The following ZNF184 variants were observed in gnomAD, a reference collection of about 807,000 sequenced individuals.
ZNF184 encodes the protein zinc finger protein 184 (Kruppel-like).
A neutral mutation model predicts 54.4 loss-of-function variants in ZNF184; 16 were observed. The observed-to-expected ratio is 0.29, with a 90% confidence interval of 0.20 to 0.45. The LOEUF (loss-of-function observed/expected upper bound fraction) is 0.45. Ranked by LOEUF, ZNF184 falls within the 20% of genes least tolerant of loss-of-function variation. ZNF184 has a pLI of 1.00. For synonymous variants in ZNF184, 254 were observed against 295.3 expected (o/e 0.86, Z 1.43); for missense variants, 681 against 888.2 (o/e 0.77, Z 2.97).
At chr6:27,440,410 G>T in the ZNF184 span, among the ~76,000 whole-genome samples, 3 of 152,186 alleles carry the variant, frequency 2.0e-5, no homozygotes, top group Non-Finnish European at 4.4e-5. Context: ...GAGCCTGGAT[G>T]TAAACAGCAA....
At chr6:27,418,230 A>G in the ZNF184 span, among the ~76,000 whole-genome samples, 1 of 152,192 alleles carries the variant, frequency 6.6e-6, no homozygotes, top group African/African-American at 2.4e-5. Context: ...GGGAGAGCCT[A>G]TTCAGGCCAC....
At chr6:27,443,756 T>G in the ZNF184 span, among the ~76,000 whole-genome samples, 1 of 152,178 alleles carries the variant, frequency 6.6e-6, no homozygotes, top group Non-Finnish European at 1.5e-5. Flanking sequence ...TATGGATTTA[T>G]TTTTGCTTTT....
the ZNF184 span, among the ~76,000 whole-genome samples, chr6:27,422,145 AAAAAAAGAAAGAAAGAAAG>A: frequency 1.2e-4 from 6 of 51,930 alleles, 1 homozygote; most frequent in African/African-American, 4.8e-4. Context: ...TACCTCAAAA[AAAAAAAGAAAGAAAGAAAG>A]AAAGAAAGAA....
intron 3 of ZNF184, among the ~76,000 whole-genome samples, chr6:27,464,185 T>G (rs1763067839): frequency 6.6e-6 from 1 of 152,148 alleles, no homozygotes; most frequent in Non-Finnish European, 1.5e-5. Flanking sequence ...TAAAAATGAA[T>G]AAAGAATACC....
downstream of ZNF184, among the ~76,000 whole-genome samples, chr6:27,446,043 T>C (rs1762633493): frequency 2.0e-5 from 3 of 152,262 alleles, no homozygotes; most frequent in Non-Finnish European, 4.4e-5. Flanking sequence ...AGGGTAGAAA[T>C]ATTTGGAAAA....
the ZNF184 span, among the ~76,000 whole-genome samples, chr6:27,423,052 G>C: frequency 3.3e-5 from 5 of 152,238 alleles, no homozygotes; most frequent in Admixed American, 2.6e-4. Flanking sequence ...GGCCTCGGAG[G>C]GAGGCCTAGC....
chr6:27,410,560 C>G, the ZNF184 span, among the ~76,000 whole-genome samples: 1 of 152,122 alleles, frequency 6.6e-6, no homozygotes, highest in African/African-American at 2.4e-5. Context: ...TAGACAGAGC[C>G]TTTCTCTGTC....
intron 2 of ZNF184, among the ~76,000 whole-genome samples, chr6:27,470,562 T>C (rs1763250655): frequency 6.6e-6 from 1 of 152,148 alleles, no homozygotes; most frequent in Admixed American, 6.5e-5. Flanking sequence ...AAAATGAAGA[T>C]ATTATCTTGG....
At chr6:27,418,979 T>A in the ZNF184 span, among the ~76,000 whole-genome samples, 2 of 152,186 alleles carry the variant, frequency 1.3e-5, no homozygotes, top group African/African-American at 4.8e-5. Context: ...TTAAGTTTGT[T>A]TCTTCACACT....
downstream of ZNF184, among the ~76,000 whole-genome samples, chr6:27,448,409 C>A (rs191299419): frequency 0.072 from 10,895 of 152,256 alleles, 479 homozygotes; most frequent in Middle Eastern, 0.17. Flanking sequence ...GTACTCTTAA[C>A]GCTTTATAAT....
chr6:27,423,695 C>T, the ZNF184 span, among the ~76,000 whole-genome samples: 1 of 152,050 alleles, frequency 6.6e-6, no homozygotes, highest in Non-Finnish European at 1.5e-5. Context: ...GTATATACTT[C>T]CAGCCCTTTT....
the ZNF184 span, among the ~76,000 whole-genome samples, chr6:27,433,397 C>T: frequency 2.0e-5 from 3 of 152,292 alleles, no homozygotes; most frequent in African/African-American, 7.2e-5. Context: ...CTCAAGTGTA[C>T]AATTCAGTGG....
chr6:27,439,284 T>C, the ZNF184 span, among the ~76,000 whole-genome samples: 1 of 152,250 alleles, frequency 6.6e-6, no homozygotes, highest in Non-Finnish European at 1.5e-5. Flanking sequence ...TTACCTGATG[T>C]CAACTACTGT....
At chr6:27,467,795 A>C (rs1763177934) in intron 3 of ZNF184, 58 bp downstream of exon 3, 1 of 1,521,750 alleles carries the variant, frequency 6.6e-7, no homozygotes. Context: ...AAAACAAAAC[A>C]AAAAACCACA....
At chr6:27,416,884 T>C in the ZNF184 span, among the ~76,000 whole-genome samples, 3 of 152,216 alleles carry the variant, frequency 2.0e-5, no homozygotes, top group Admixed American at 6.5e-5. Flanking sequence ...TATAATAATA[T>C]TGAGGTTTAG....
the ZNF184 span, among the ~76,000 whole-genome samples, chr6:27,425,849 A>T: frequency 2.0e-5 from 3 of 152,190 alleles, no homozygotes; most frequent in Non-Finnish European, 1.5e-5. Flanking sequence ...TCTTCCCAGA[A>T]CACCGTTTCT....
At chr6:27,422,073 C>T in the ZNF184 span, among the ~76,000 whole-genome samples, 54 of 148,764 alleles carry the variant, frequency 3.6e-4, no homozygotes, top group Admixed American at 7.4e-4. Context: ...CCTAGGAGGT[C>T]GAGGCTGCAG....
chr6:27,458,292 C>T (rs568836134), intron 3 of ZNF184, among the ~76,000 whole-genome samples: 1 of 50,298 alleles, frequency 2.0e-5, no homozygotes, highest in African/African-American at 7.4e-5. Flanking sequence ...AGCTTCTGCA[C>T]AGTAAAAAAA....
chr6:27,419,978 C>T, the ZNF184 span, among the ~76,000 whole-genome samples: 8 of 152,168 alleles, frequency 5.3e-5, no homozygotes, highest in Non-Finnish European at 8.8e-5. The surrounding 1 kb of genome is among the most constrained non-coding windows in gnomAD (Gnocchi z 4.8). Context: ...CCTTGGGTCC[C>T]GAAGCCACTA....
Sources: allele counts gnomAD v4.1 joint callset (sites outside exome capture counted in the v4.1 genomes callset), GRCh38; gene constraint gnomAD v4.1.1; non-coding constraint Gnocchi (gnomAD v3.1); transcripts MANE v1.5; gene names NCBI Gene and HGNC (gene_info 2026-07-23, HGNC 2026-07-21).